The following GSG1L variants were observed in gnomAD, a reference collection of about 807,000 sequenced individuals.
The protein encoded by GSG1L is germ cell-specific gene 1-like protein.
In GSG1L, 24 loss-of-function variants were observed where a neutral mutation model predicts 42.1. That is an observed-to-expected ratio of 0.57 (90% CI 0.41 to 0.80). GSG1L has a LOEUF of 0.80. Ranked by LOEUF, GSG1L falls within the 30% of genes least tolerant of loss-of-function variation. GSG1L has a pLI of 0.00. For synonymous variants in GSG1L, 215 were observed against 203.5 expected, an observed-to-expected ratio of 1.06 and a Z score of -0.48; for missense variants, 445 against 472.2, an observed-to-expected ratio of 0.94 and a Z score of 0.53.
intron 1 of GSG1L, among the ~76,000 whole-genome samples, chr16:27,968,430 T>C (rs1596661395): frequency 6.6e-6 from 1 of 152,012 alleles, no homozygotes; most frequent in South Asian, 2.1e-4. Context: ...TTTTTATTTT[T>C]TGTAGAGATG....
At chr16:27,888,833 G>T (rs918689040) in intron 2 of GSG1L, among the ~76,000 whole-genome samples, 1 of 151,644 alleles carries the variant, frequency 6.6e-6, no homozygotes, top group Non-Finnish European at 1.5e-5. Flanking sequence ...GGCCAGGCTT[G>T]TCTCGAACTC....
At chr16:27,857,403 G>A (rs1322975255) in intron 3 of GSG1L, among the ~76,000 whole-genome samples, 2 of 150,124 alleles carry the variant, frequency 1.3e-5, no homozygotes, top group African/African-American at 4.9e-5. Context: ...ACTCCAGCCT[G>A]GGCAAGAGAG....
chr16:27,986,743 C>T (rs1375716472), intron 1 of GSG1L, among the ~76,000 whole-genome samples: 2 of 152,192 alleles, frequency 1.3e-5, no homozygotes, highest in Non-Finnish European at 2.9e-5. Flanking sequence ...AAAGTGGGAC[C>T]TTGATTTGGG....
At chr16:27,946,119 T>G (rs2084857384) in intron 2 of GSG1L, among the ~76,000 whole-genome samples, 1 of 152,170 alleles carries the variant, frequency 6.6e-6, no homozygotes, top group African/African-American at 2.4e-5. Flanking sequence ...GTGGCTGAAA[T>G]AGCACAGGAC....
chr16:28,020,547 AT>A (rs914316430), intron 1 of GSG1L, among the ~76,000 whole-genome samples: 1 of 152,074 alleles, frequency 6.6e-6, no homozygotes, highest in Non-Finnish European at 1.5e-5. Context: ...TCTTGTCCTT[AT>A]GTCAGAGGGG....
At position 27,943,513 on chromosome 16, in the gene GSG1L, T is replaced by C. The variant is rs1022775947; in HGVS notation, c.397+19643A>G. Among the ~76,000 whole-genome samples the C allele has an allele frequency of 2.0e-5, 3 of 150,182 alleles. No homozygotes were observed. The East Asian group carries it at 5.9e-4, about 30-fold the overall frequency. On this transcript the variant is annotated intron_variant, in intron 2 of 6. Coordinates refer to ENST00000447459, the MANE Select transcript of GSG1L (RefSeq NM_001109763.2). ...AAATTCGAAAACAAATAAATCTATA[T>C]ACTTGGTAAAACCACAAGGTGAGAT...
At position 28,063,229 on chromosome 16, in the gene GSG1L, C is replaced by G; in HGVS notation, c.196G>C (p.Ala66Pro). 2.0e-5 allele frequency: 25 copies of G among 1,255,606 alleles called. No individual in the cohort carries two copies. Among genetic ancestry groups the G allele is most frequent in the Non-Finnish European group, 2.5e-5 (25 of 1,005,182 alleles). 77.8% of individuals were successfully genotyped at this position (1,255,606 alleles called of 1,614,324 possible). ...GANATANGTA[A>P]PAAAAAAATA... ...GCGGCGGCGGCGGCGGCGGCGGGGG[C>G]GGCGGTGCCGTTGGCCGTGGCGTTG... The change falls in exon 1 of 7, where the codon GCC becomes CCC. Residue 66 changes from alanine (A) to proline (P), a missense_variant. By Grantham distance (27) the Ala-to-Pro change is conservative. Transcript: ENST00000447459. The surrounding 1 kb of genome is among the most constrained non-coding windows in gnomAD (Gnocchi z 5.8).
chr16:27,937,618 C>T (rs2084733408), intron 2 of GSG1L, among the ~76,000 whole-genome samples: 1 of 152,246 alleles, frequency 6.6e-6, no homozygotes, highest in South Asian at 2.1e-4. Context: ...CTCTAGGTCA[C>T]TCTCCAAGTA....
At chr16:27,912,250 A>G (rs1216629499) in intron 2 of GSG1L, among the ~76,000 whole-genome samples, 2 of 152,200 alleles carry the variant, frequency 1.3e-5, no homozygotes, top group African/African-American at 4.8e-5. Flanking sequence ...ACAGTGGCTC[A>G]TGCCTATAAT....
chr16:27,994,716 T>C (rs2085495210), intron 1 of GSG1L, among the ~76,000 whole-genome samples: 1 of 152,194 alleles, frequency 6.6e-6, no homozygotes, highest in Non-Finnish European at 1.5e-5. Flanking sequence ...GATGAATATG[T>C]GGCTAGAAAT....
At chr16:27,940,891 A>T (rs1056301738) in intron 2 of GSG1L, among the ~76,000 whole-genome samples, 4 of 151,946 alleles carry the variant, frequency 2.6e-5, no homozygotes, top group Non-Finnish European at 5.9e-5. Flanking sequence ...AAAATAAAAA[A>T]TAAATAGGCC....
chr16:27,852,293 C>T (rs917690063), intron 3 of GSG1L, among the ~76,000 whole-genome samples: 6 of 152,144 alleles, frequency 3.9e-5, no homozygotes, highest in Non-Finnish European at 7.4e-5. Context: ...AAGGGAAACC[C>T]CTGACCTTCA....
intron 1 of GSG1L, among the ~76,000 whole-genome samples, chr16:28,010,150 G>T (rs2085698224): frequency 6.6e-6 from 1 of 152,200 alleles, no homozygotes; most frequent in Admixed American, 6.5e-5. Flanking sequence ...CCAGGAGGAT[G>T]CCAGATGCAC....
intron 1 of GSG1L, among the ~76,000 whole-genome samples, chr16:27,976,641 T>C (rs1215677852): frequency 1.3e-5 from 2 of 152,192 alleles, no homozygotes; most frequent in African/African-American, 4.8e-5. Context: ...GGCAGCCACA[T>C]TGAGCCTTAC....
At chr16:28,005,056 T>A (rs1192937495) in intron 1 of GSG1L, among the ~76,000 whole-genome samples, 1 of 152,084 alleles carries the variant, frequency 6.6e-6, no homozygotes, top group Admixed American at 6.5e-5. Flanking sequence ...GGGCCAAAAT[T>A]AAGAGGTTGG....
intron 1 of GSG1L, among the ~76,000 whole-genome samples, chr16:27,992,929 C>T (rs889360696): frequency 1.3e-5 from 2 of 152,328 alleles, no homozygotes; most frequent in Admixed American, 1.3e-4. Flanking sequence ...GAGGTCCCTA[C>T]AGTCCCTGCC....
intron 4 of GSG1L, among the ~76,000 whole-genome samples, chr16:27,831,200 C>T (rs2083271449): frequency 6.6e-6 from 1 of 152,182 alleles, no homozygotes; most frequent in African/African-American, 2.4e-5. Context: ...GCTGGGGACC[C>T]TCTTGCCACC....
At chr16:27,945,993 A>G (rs1441791191) in intron 2 of GSG1L, among the ~76,000 whole-genome samples, 1 of 152,210 alleles carries the variant, frequency 6.6e-6, no homozygotes, top group East Asian at 1.9e-4. Flanking sequence ...GCTGTGAGCC[A>G]AGGGGCCTCC....
intron 2 of GSG1L, among the ~76,000 whole-genome samples, chr16:27,945,382 G>C (rs2084849765): frequency 6.6e-6 from 1 of 152,104 alleles, no homozygotes; most frequent in Non-Finnish European, 1.5e-5. Flanking sequence ...CCAGGGAGAG[G>C]CATGTGTGAC....
Sources: allele counts gnomAD v4.1 joint callset (sites outside exome capture counted in the v4.1 genomes callset), GRCh38; gene constraint gnomAD v4.1.1; non-coding constraint Gnocchi (gnomAD v3.1); transcripts MANE v1.5; gene names NCBI Gene and HGNC (gene_info 2026-07-23, HGNC 2026-07-21).